Variants in CYP26B1 observed in about 807,000 individuals in gnomAD.
The protein encoded by CYP26B1 is cytochrome P450 26B1.
CYP26B1 carries 8 observed loss-of-function variants against 39.1 expected under a neutral mutation model. The observed-to-expected ratio is 0.20, with a 90% CI of 0.12 to 0.37. The LOEUF (loss-of-function observed/expected upper bound fraction) is 0.37. Among genes scored for constraint, CYP26B1 ranks in the 10% least tolerant of loss-of-function variants. The pLI, the probability that CYP26B1 is intolerant of heterozygous loss-of-function variation, is 1.00. For synonymous variants in CYP26B1, 321 were observed against 314.3 expected (o/e 1.02, Z -0.23); for missense variants, 615 against 707.0 (o/e 0.87, Z 1.48).
rs1303803522 is a variant in CYP26B1 at position 72,144,539 on chromosome 2, C to T, written c.205-326G>A. On this transcript the variant is annotated intron_variant, in intron 1 of 5. Coordinates refer to ENST00000001146, the MANE Select transcript of CYP26B1 (RefSeq NM_019885.4). ...GTCTCCGCCCCCACCCCCACCCCCACACCCCCACCCCGCGCTCGGGAGCCT... is the reference window on the plus strand; with the variant it reads ...GTCTCCGCCCCCACCCCCACCCCCATACCCCCACCCCGCGCTCGGGAGCCT... 4.7e-6 allele frequency: 5 copies of T among 1,073,858 alleles called. No individual in the cohort carries two copies. In the East Asian group the frequency reaches 1.4e-4, roughly 30 times the overall value. 66.5% of individuals were successfully genotyped at this position (1,073,858 alleles called of 1,614,324 possible).
Position 72,132,460 on chromosome 2 carries a change from C to T in CYP26B1, c.1306G>A (p.Gly436Ser). The T allele has an allele frequency of 1.9e-6, 3 of 1,613,388 alleles. No homozygotes were observed. Among genetic ancestry groups the T allele is most frequent in the Non-Finnish European group, 2.5e-6 (3 of 1,179,740 alleles). Reference protein sequence around the residue: ...DGRFHYLPFGGGVRTCLGKHL... With the variant: ...DGRFHYLPFGSGVRTCLGKHL... ...TTGCCCAGGCAGGTCCGGACACCGCCACCGAACGGGAGGTAATGGAAGCGG... is the reference window on the plus strand; with the variant it reads ...TTGCCCAGGCAGGTCCGGACACCGCTACCGAACGGGAGGTAATGGAAGCGG... The change falls in exon 6 of 6, where the codon GGC (glycine) becomes AGC (serine). Residue 436 changes from glycine (G) to serine (S), a missense_variant. Gly to Ser is a moderately conservative substitution (Grantham distance 56). Transcript: ENST00000001146.
Position 72,138,164 on chromosome 2 carries a change from C to T in CYP26B1, c.430-2745G>A, listed in dbSNP as rs539313233. Among the ~76,000 whole-genome samples, 396 of 152,204 alleles carry T rather than the reference C, an allele frequency of 2.6e-3. 1 individual carries two copies. The highest frequency in any genetic ancestry group is 6.8e-3 in the Middle Eastern group (2 of 294). On this transcript the variant is annotated intron_variant, in intron 2 of 5. Transcript: ENST00000001146. Reference sequence around the variant, plus strand: ...GGCTGGGCTCAGAGGTCACCAGGTCCATGCCCCTGCCTCTTGCCCAGCTGC... The same window carrying T: ...GGCTGGGCTCAGAGGTCACCAGGTCTATGCCCCTGCCTCTTGCCCAGCTGC...
At chr2:72,142,218 C>T (rs1217334913) in intron 2 of CYP26B1, among the ~76,000 whole-genome samples, 2 of 152,148 alleles carry the variant, frequency 1.3e-5, no homozygotes, top group Admixed American at 1.3e-4. Flanking sequence ...CAGCCAACAC[C>T]GGGAGGCCCG....
chr2:72,130,682 C>G lies in CYP26B1; in HGVS notation c.*1545G>C, dbSNP rs1305159962. Reference sequence around the variant, plus strand: ...TAGAGACTCACCAAACGCCCGGAAACCTTCCCCAGGAGGCATCCCAAATTG... The same window carrying G: ...TAGAGACTCACCAAACGCCCGGAAAGCTTCCCCAGGAGGCATCCCAAATTG... On this transcript the variant is annotated 3_prime_UTR_variant, in exon 6 of 6. Coordinates refer to ENST00000001146, the MANE Select transcript of CYP26B1 (RefSeq NM_019885.4). The G allele has an allele frequency of 6.6e-6, 1 of 152,188 alleles. No individual in the cohort carries two copies. Among genetic ancestry groups the G allele is most frequent in the Non-Finnish European group, 1.5e-5 (1 of 68,040 alleles). 9.4% of individuals were successfully genotyped at this position (152,188 alleles called of 1,614,324 possible).
In CYP26B1 at chr2:72,147,594, C is replaced by A. The variant is rs200690868; in HGVS notation, c.204+37G>T. 3,454 of 1,575,626 alleles carry A rather than the reference C, an allele frequency of 2.2e-3. 79 individuals carry two copies. In the African/African-American group the frequency reaches 0.041, roughly 19 times the overall value. ...CCGTCTGCCCCGCGCTCGCAGCTAG[C>A]GGACCCCGGAGTGCAGCGGAGCGAG... On this transcript the variant is annotated intron_variant, in intron 1 of 5. Transcript: ENST00000001146. The surrounding 1 kb of genome is among the most constrained non-coding windows in gnomAD (Gnocchi z 6.1).
In CYP26B1 at chr2:72,144,198, A is replaced by C; in HGVS notation, c.220T>G (p.Ser74Ala). 6.3e-7 allele frequency: 1 copy of C among 1,594,008 alleles called. No individual in the cohort carries two copies. Among genetic ancestry groups the C allele is most frequent in the Non-Finnish European group, 8.6e-7 (1 of 1,165,384 alleles). Residue 74 changes from serine (S) to alanine (A), a missense_variant, in exon 2 of 6, where the codon TCG becomes GCG. Physicochemically the swap from Ser to Ala is moderately conservative, Grantham distance 99. Coordinates refer to ENST00000001146, the MANE Select transcript of CYP26B1 (RefSeq NM_019885.4). ...TTGCCATACTTCTCCCTCCGCGACG[A>C]CTGGAAGCCAGAACCCTGCGGGAGC... is the stretch of plus-strand genomic sequence containing the variant. ...HWLLQGSGFQSSRREKYGNVF... is the reference protein window; with the variant it reads ...HWLLQGSGFQASRREKYGNVF...
At chr2:72,138,816 T>C (rs977662656) in intron 2 of CYP26B1, among the ~76,000 whole-genome samples, 10 of 151,966 alleles carry the variant, frequency 6.6e-5, no homozygotes, top group African/African-American at 2.4e-4. Context: ...AAGGACACAA[T>C]AGGCTCATGA....
At chr2:72,138,379 G>A (rs1185235498) in intron 2 of CYP26B1, among the ~76,000 whole-genome samples, 4 of 152,096 alleles carry the variant, frequency 2.6e-5, no homozygotes, top group African/African-American at 7.2e-5. Flanking sequence ...GCGTCAGGGC[G>A]GGCTGGGTCT....
Position 72,135,239 on chromosome 2 carries a change from C to T in CYP26B1, c.610G>A (p.Glu204Lys). The T allele has an allele frequency of 6.2e-7, 1 of 1,614,070 alleles. No homozygotes were observed. Among genetic ancestry groups the T allele is most frequent in the South Asian group, 1.1e-5 (1 of 91,078 alleles). ...TCAAAGAGGTGCCCAAGGTCCTCCTCAGGGATGCTGAAGCCCAGCAGCACC... is the reference window on the plus strand; with the variant it reads ...TCAAAGAGGTGCCCAAGGTCCTCCTTAGGGATGCTGAAGCCCAGCAGCACC... ...IRVLLGFSIP[E>K]EDLGHLFEVY... The change falls in exon 3 of 6, where the codon GAG (glutamate) becomes AAG (lysine). Residue 204 changes from glutamate (E) to lysine (K), a missense_variant. Coordinates refer to ENST00000001146, the MANE Select transcript of CYP26B1 (RefSeq NM_019885.4).
Position 72,129,863 on chromosome 2 carries a change from TCTCACTAGAGAGCTGAAAGGAGGGAC to T in CYP26B1, c.*2338_*2363del, listed in dbSNP as rs1277912710. On this transcript the variant is annotated 3_prime_UTR_variant, in exon 6 of 6. Coordinates refer to ENST00000001146, the MANE Select transcript of CYP26B1 (RefSeq NM_019885.4). Reference sequence around the variant, plus strand: ...ACACGCACACGCACAGACACGGGCATCTCACTAGAGAGCTGAAAGGAGGGACCAATTACAACACAGGGATCCTGTCA... The same window carrying T: ...ACACGCACACGCACAGACACGGGCATCAATTACAACACAGGGATCCTGTCA... 1 of 150,562 alleles carries T rather than the reference TCTCACTAGAGAGCTGAAAGGAGGGAC, an allele frequency of 6.6e-6. No homozygotes were observed. Among genetic ancestry groups the T allele is most frequent in the East Asian group, 1.9e-4 (1 of 5,178 alleles). 9.3% of individuals were successfully genotyped at this position (150,562 alleles called of 1,614,324 possible). A position where few individuals can be genotyped will look rare whatever the true frequency, so the allele number is the denominator to read the frequency against.
intron 2 of CYP26B1, among the ~76,000 whole-genome samples, chr2:72,143,330 G>C (rs573417202): frequency 6.6e-6 from 1 of 151,170 alleles, no homozygotes; most frequent in African/African-American, 2.5e-5. Context: ...CCAGTCGCTC[G>C]GGAAATCCAA....
chr2:72,138,823 A>T (rs1359335570), intron 2 of CYP26B1, among the ~76,000 whole-genome samples: 2 of 152,060 alleles, frequency 1.3e-5, no homozygotes, highest in Admixed American at 1.3e-4. Flanking sequence ...CAATAGGCTC[A>T]TGAGTCTACA....
At position 72,135,381 on chromosome 2, in the gene CYP26B1, A is replaced by T; in HGVS notation, c.468T>A (p.Ser156Arg). The T allele has an allele frequency of 6.2e-7, 1 of 1,613,396 alleles. No homozygotes were observed. The highest frequency in any genetic ancestry group is 8.5e-7 in the Non-Finnish European group (1 of 1,180,020). Residue 156 changes from serine (S) to arginine (R), a missense_variant, in exon 3 of 6, where the codon AGT (serine) becomes AGA (arginine). By Grantham distance (110) the Ser-to-Arg change is moderately radical. Coordinates refer to ENST00000001146, the MANE Select transcript of CYP26B1 (RefSeq NM_019885.4). ...SKIFSHEALESYLPKIQLVIQ... is the reference protein window; with the variant it reads ...SKIFSHEALERYLPKIQLVIQ... ...TCACCAGCTGGATCTTGGGCAGGTA[A>T]CTCTCCAGGGCCTCGTGGCTGAAGA...
intron 4 of CYP26B1, among the ~76,000 whole-genome samples, chr2:72,134,279 C>T (rs899817943): frequency 6.4e-5 from 7 of 110,208 alleles, no homozygotes; most frequent in Non-Finnish European, 1.2e-4. Context: ...GCAGGTCCTG[C>T]GTGGAGCACA....
At chr2:72,137,643 G>A (rs1382640573) in intron 2 of CYP26B1, among the ~76,000 whole-genome samples, 1 of 152,178 alleles carries the variant, frequency 6.6e-6, no homozygotes, top group Admixed American at 6.5e-5. Flanking sequence ...CATTTCCTGC[G>A]CCCTCTAGCG....
Position 72,142,041 on chromosome 2 carries a change from G to A in CYP26B1, c.429+1948C>T, listed in dbSNP as rs542404472. Among the ~76,000 whole-genome samples, 47 of 152,206 alleles carry A rather than the reference G, an allele frequency of 3.1e-4. No individual in the cohort carries two copies. In the South Asian group the frequency reaches 5.6e-3, roughly 18 times the overall value. On this transcript the variant is annotated intron_variant, in intron 2 of 5. Coordinates refer to ENST00000001146, the MANE Select transcript of CYP26B1 (RefSeq NM_019885.4). ...GCTGTTCTGAATAGGGAGCCATCGC[G>A]CCTCAGCCAAGGCTCTCAGTTTCTG...
chr2:72,145,976 G>A (rs769552454), intron 1 of CYP26B1, among the ~76,000 whole-genome samples: 15 of 152,154 alleles, frequency 9.9e-5, no homozygotes, highest in Non-Finnish European at 1.8e-4. Flanking sequence ...GGATTCAGAG[G>A]GCTCTCATTA....
chr2:72,144,710 G>T (rs978906623), intron 1 of CYP26B1, among the ~76,000 whole-genome samples: 1 of 152,204 alleles, frequency 6.6e-6, no homozygotes, highest in Non-Finnish European at 1.5e-5. Context: ...TCCGCTCTCC[G>T]GTGTGGCCCG....
In CYP26B1 at chr2:72,133,369, C is replaced by T. The variant is rs571121869; in HGVS notation, c.862-62G>A. 5 of 1,563,186 alleles carry T rather than the reference C, an allele frequency of 3.2e-6. No individual in the cohort carries two copies. In the South Asian group the frequency reaches 5.8e-5, roughly 18 times the overall value. ...GGGTTCAGCCAGGCAGGGGCCGCCC[C>T]ATTCAGTCAGTGGCCCGTGTGCCCA... On this transcript the variant is annotated intron_variant, in intron 4 of 5. Transcript: ENST00000001146.
Sources: gnomAD v4.1 joint callset for allele counts (sites outside exome capture counted in the v4.1 genomes callset) on GRCh38, gnomAD v4.1.1 for gene constraint, Gnocchi (gnomAD v3.1) non-coding constraint, MANE v1.5 for transcripts, NCBI Gene and HGNC (gene_info 2026-07-23, HGNC 2026-07-21) for gene names.